The following RALGAPA1 variants were observed in gnomAD, a reference collection of about 807,000 sequenced individuals.
RALGAPA1 encodes the protein ral GTPase-activating protein subunit alpha-1.
In RALGAPA1, 52 loss-of-function variants were observed where a neutral mutation model predicts 269.6. The ratio of observed to expected loss-of-function variants is 0.19; its 90% CI spans 0.15 to 0.24. The LOEUF is 0.24. Among genes scored for constraint, RALGAPA1 ranks in the 10% least tolerant of loss-of-function variants. RALGAPA1 has a pLI of 1.00. For missense variants in RALGAPA1, 1,917 were observed against 3,013.9 expected (o/e 0.64, Z 8.52); for synonymous variants, 817 against 1,008.3 (o/e 0.81, Z 3.60).
intron 21 of RALGAPA1, 87 bp from the exon 22 acceptor site, chr14:35,678,189 T>TAGA (rs1421861686): frequency 1.0e-5 from 13 of 1,262,690 alleles, no homozygotes; most frequent in Admixed American, 2.9e-5. Context: ...ATAAAAGAAA[T>TAGA]TTTAAACACC....
chr14:35,766,365 T>C, intron 4 of RALGAPA1: 3 of 1,387,304 alleles, frequency 2.2e-6, no homozygotes, highest in East Asian at 2.3e-5. Context: ...GAGCAAACTA[T>C]GTATAGGTAT....
chr14:35,542,058 AG>A, intron 41 of RALGAPA1: 1 of 1,178,384 alleles, frequency 8.5e-7, no homozygotes, highest in South Asian at 1.3e-5. Flanking sequence ...ATAGGAAAAA[AG>A]AAAAGAAGAA....
intron 31 of RALGAPA1, among the ~76,000 whole-genome samples, chr14:35,638,233 T>G (rs1232142812): frequency 6.6e-6 from 1 of 152,062 alleles, no homozygotes; most frequent in South Asian, 2.1e-4. Flanking sequence ...GATGAAAAGA[T>G]GAACCAATAA....
At chr14:35,792,793 A>G (rs1472115005) in intron 1 of RALGAPA1, among the ~76,000 whole-genome samples, 2 of 144,924 alleles carry the variant, frequency 1.4e-5, no homozygotes, top group Non-Finnish European at 3.0e-5. Context: ...AAAAAAAAAA[A>G]AGAAAGAAAG....
Position 35,685,125 on chromosome 14 carries a change from A to C in RALGAPA1, c.4098T>G (p.Ser1366Arg), listed in dbSNP as rs1421576983. ...GNASTMTRRG[S>R]SPGSLEIPKD... ...TGGGAATTTCCAGGCTGCCTGGACTACTTCCTCTTCTTGTCATAGTCTAAA... is the reference window on the plus strand; with the variant it reads ...TGGGAATTTCCAGGCTGCCTGGACTCCTTCCTCTTCTTGTCATAGTCTAAA... Residue 1366 changes from serine to arginine, a missense_variant, in exon 20 of 42, where the codon AGT becomes AGG. Transcript: ENST00000680220. The C allele has an allele frequency of 6.4e-7, 1 of 1,563,816 alleles. No homozygotes were observed. Among genetic ancestry groups the C allele is most frequent in the Admixed American group, 1.9e-5 (1 of 52,220 alleles).
chr14:35,766,769 C>T, intron 4 of RALGAPA1: 2 of 518,906 alleles, frequency 3.9e-6, no homozygotes, highest in South Asian at 3.0e-5. Flanking sequence ...ATGCTTTTAA[C>T]TCTGGAGTAT....
chr14:35,623,489 C>T (rs1286228839), intron 35 of RALGAPA1, among the ~76,000 whole-genome samples: 2 of 151,894 alleles, frequency 1.3e-5, no homozygotes, highest in Admixed American at 6.6e-5. Context: ...ATATTAACAT[C>T]ACTAGCAGAA....
At chr14:35,624,471 T>C (rs918669422) in intron 35 of RALGAPA1, among the ~76,000 whole-genome samples, 1 of 152,034 alleles carries the variant, frequency 6.6e-6, no homozygotes, top group Non-Finnish European at 1.5e-5. Context: ...CTTTGTTTTG[T>C]TTAAAGGCAG....
At chr14:35,583,485 T>C (rs1394631061) in intron 37 of RALGAPA1, among the ~76,000 whole-genome samples, 1 of 152,004 alleles carries the variant, frequency 6.6e-6, no homozygotes, top group Non-Finnish European at 1.5e-5. Flanking sequence ...AAGATGTAAA[T>C]ACATGTAATG....
intron 1 of RALGAPA1, among the ~76,000 whole-genome samples, chr14:35,790,525 TA>T (rs35517729): frequency 0.12 from 18,357 of 151,628 alleles, 1,182 homozygotes; most frequent in South Asian, 0.14. Flanking sequence ...CCATCTCTAC[TA>T]AAAATACAAA....
At chr14:35,737,628 G>A (rs1056056412) in intron 12 of RALGAPA1, among the ~76,000 whole-genome samples, 3 of 150,834 alleles carry the variant, frequency 2.0e-5, no homozygotes, top group Admixed American at 6.6e-5. Flanking sequence ...GCGTGGTGGC[G>A]GGCACCTGTA....
At chr14:35,725,933 T>G (rs781127661) in intron 13 of RALGAPA1, among the ~76,000 whole-genome samples, 39 of 152,204 alleles carry the variant, frequency 2.6e-4, no homozygotes, top group Non-Finnish European at 5.3e-4. Context: ...ATCCTTACCT[T>G]GCCTCCTTCT....
rs2054740119 is a variant in RALGAPA1 at position 35,549,180 on chromosome 14, T to C, written c.7551A>G (p.Pro2517=). 1.9e-6 allele frequency: 3 copies of C among 1,612,872 alleles called. No individual in the cohort carries two copies. The highest frequency in any genetic ancestry group is 2.5e-6 in the Non-Finnish European group (3 of 1,179,442). Residue 2517 remains proline (P), a synonymous_variant, in exon 40 of 42, where the codon CCA becomes CCG. Transcript: ENST00000680220. ...GTGCTGCAAAATCTTCAAATGTTGTTGGTTCTAAGTGGTGCTGGACAATTG... is the reference window on the plus strand; with the variant it reads ...GTGCTGCAAAATCTTCAAATGTTGTCGGTTCTAAGTGGTGCTGGACAATTG... ...LQTIVQHHLE[P]TTFEDFAAQV...
At chr14:35,805,670 A>T (rs1317731495) in intron 1 of RALGAPA1, among the ~76,000 whole-genome samples, 4 of 146,136 alleles carry the variant, frequency 2.7e-5, no homozygotes, top group Admixed American at 2.1e-4. Context: ...ACATATATAT[A>T]TTTTTTCTTT....
At position 35,689,433 on chromosome 14, in the gene RALGAPA1, T is replaced by G. The variant is rs2066288243; in HGVS notation, c.2978A>C (p.Glu993Ala). 1 of 1,232,320 alleles carries G rather than the reference T, an allele frequency of 8.1e-7. No homozygotes were observed. The highest frequency in any genetic ancestry group is 1.0e-6 in the Non-Finnish European group (1 of 988,088). 76.3% of individuals were successfully genotyped at this position (1,232,320 alleles called of 1,614,324 possible). A position where few individuals can be genotyped will look rare whatever the true frequency, so the allele number is the denominator to read the frequency against. ...LECTDQETES[E>A]NITSFVGTPE... is the part of the protein sequence containing the mutation. ...AGTCCCAACAAAAGAGGTGATATTTTCTGATTCAGTTTCCTGATCTGTGCA... is the reference window on the plus strand; with the variant it reads ...AGTCCCAACAAAAGAGGTGATATTTGCTGATTCAGTTTCCTGATCTGTGCA... The change falls in exon 18 of 42, where the codon GAA becomes GCA. Residue 993 changes from glutamate to alanine, a missense_variant. By Grantham distance (107) the Glu-to-Ala change is moderately radical. Coordinates refer to ENST00000680220, the MANE Select transcript of RALGAPA1 (RefSeq NM_001346249.2).
At chr14:35,566,526 A>G (rs2056721754) in intron 39 of RALGAPA1, among the ~76,000 whole-genome samples, 3 of 152,060 alleles carry the variant, frequency 2.0e-5, no homozygotes, top group Admixed American at 1.3e-4. Context: ...CATTTCTTTT[A>G]TGAAGAGTAA....
At chr14:35,577,565 T>C (rs2057660062) in intron 37 of RALGAPA1, among the ~76,000 whole-genome samples, 1 of 152,206 alleles carries the variant, frequency 6.6e-6, no homozygotes, top group Non-Finnish European at 1.5e-5. Flanking sequence ...TTCTGTGGTT[T>C]ATAAGCCATT....
chr14:35,613,225 G>T (rs529737578), intron 35 of RALGAPA1, among the ~76,000 whole-genome samples: 29 of 152,016 alleles, frequency 1.9e-4, no homozygotes, highest in African/African-American at 6.5e-4. Flanking sequence ...GGGATTACAG[G>T]TGTGCACCAC....
At chr14:35,540,798 T>A (rs954647243) in intron 41 of RALGAPA1, among the ~76,000 whole-genome samples, 1 of 152,210 alleles carries the variant, frequency 6.6e-6, no homozygotes, top group African/African-American at 2.4e-5. Flanking sequence ...CAGGTTTAAC[T>A]GTACACATAC....
Sources: allele counts gnomAD v4.1 joint callset (sites outside exome capture counted in the v4.1 genomes callset), GRCh38; gene constraint gnomAD v4.1.1; transcripts MANE v1.5; gene names NCBI Gene and HGNC (gene_info 2026-07-23, HGNC 2026-07-21).